The following RCBTB1 variants were observed in gnomAD, a reference collection of about 807,000 sequenced individuals.
RCBTB1 encodes the protein RCC1 and BTB domain-containing protein 1.
RCBTB1 carries 46 observed loss-of-function variants against 62.4 expected under a neutral mutation model. The observed-to-expected ratio is 0.74, with a 90% confidence interval of 0.58 to 0.94. RCBTB1 has a LOEUF of 0.94. Ranked by LOEUF, RCBTB1 falls within the 40% of genes least tolerant of loss-of-function variation. RCBTB1 has a pLI of 0.00. For missense variants in RCBTB1, 565 were observed against 654.9 expected (o/e 0.86, Z 1.50); for synonymous variants, 222 against 245.8 (o/e 0.90, Z 0.91).
chr13:49,535,980 G>A (rs927823899), intron 12 of RCBTB1, among the ~76,000 whole-genome samples: 2 of 149,628 alleles, frequency 1.3e-5, no homozygotes, highest in East Asian at 2.0e-4. Context: ...CCGAGATCAT[G>A]CCACTGCACT....
chr13:49,552,191 A>G lies in RCBTB1; in HGVS notation c.698T>C (p.Val233Ala). 2 of 1,580,904 alleles carry G rather than the reference A, an allele frequency of 1.3e-6. No homozygotes were observed. Among genetic ancestry groups the G allele is most frequent in the Non-Finnish European group, 1.7e-6 (2 of 1,161,906 alleles). ...TPVRVAALHS[V>A]CVNQIVCGYA... ...CACCACACGTACCTGGTTCACACAC[A>G]CGCTGTGCAAAGCTGCCACTCTCAC... The change falls in exon 7 of 13, where the codon GTG (valine) becomes GCG (alanine). Residue 233 changes from valine to alanine, a missense_variant. Physicochemically the swap from Val to Ala is moderately conservative, Grantham distance 64 (BLOSUM62 0). Coordinates refer to ENST00000378302, the MANE Select transcript of RCBTB1 (RefSeq NM_018191.4).
chr13:49,576,266 T>C (rs1594352724), intron 2 of RCBTB1, among the ~76,000 whole-genome samples: 2 of 146,522 alleles, frequency 1.4e-5, no homozygotes, highest in Non-Finnish European at 3.0e-5. Flanking sequence ...TGTACAACAA[T>C]GTGAATGTAC....
rs1250092312 is a variant in RCBTB1 at position 49,555,515 on chromosome 13, C to T, written c.603G>A (p.Glu201=). ...TSSMAVLDNG[E]VYGWGYNGNG... ...GGAAATGGGAGTGGAGACACCTCACCTCGCCATTGTCCAGAACAGCCATGG... is the reference window on the plus strand; with the variant it reads ...GGAAATGGGAGTGGAGACACCTCACTTCGCCATTGTCCAGAACAGCCATGG... Residue 201 remains glutamate, a splice_region_variant and synonymous_variant, in exon 6 of 13, where the codon GAG becomes GAA. Coordinates refer to ENST00000378302, the MANE Select transcript of RCBTB1 (RefSeq NM_018191.4). 1.4e-5 allele frequency: 22 copies of T among 1,613,002 alleles called. No homozygotes were observed. The highest frequency in any genetic ancestry group is 1.7e-5 in the Non-Finnish European group (20 of 1,179,140).
chr13:49,544,735 A>G lies in RCBTB1; in HGVS notation c.1172+2T>C. On this transcript the variant is annotated splice_donor_variant, in intron 10 of 12. Transcript: ENST00000378302. LOFTEE classifies it high-confidence loss of function. The stretch of plus-strand genomic sequence containing the variant: ...GATGTCTCTGAGCTCATGCAAAAAT[A>G]CCTGATTTTCAAAACAGCTTTATGG... The G allele has an allele frequency of 1.2e-6, 2 of 1,609,526 alleles. No individual in the cohort carries two copies. Among genetic ancestry groups the G allele is most frequent in the Non-Finnish European group, 1.7e-6 (2 of 1,178,198 alleles).
intron 2 of RCBTB1, 22 bp from the exon 3 acceptor site, chr13:49,567,342 CAGA>C: frequency 5.1e-6 from 8 of 1,558,762 alleles, no homozygotes; most frequent in Non-Finnish European, 7.0e-6. Context: ...GAAAGGATTC[CAGA>C]AAAAAATTAA....
At chr13:49,568,834 CAGG>C (rs1292717682) in intron 2 of RCBTB1, among the ~76,000 whole-genome samples, 1 of 152,146 alleles carries the variant, frequency 6.6e-6, no homozygotes, top group Non-Finnish European at 1.5e-5. Flanking sequence ...GAGGCTGAGG[CAGG>C]AGAATCACTT....
Position 49,549,564 on chromosome 13 carries a change from G to C in RCBTB1, c.939C>G (p.Cys313Trp). ...QGGHVYMWGQCRGQSVILPHL... is the reference protein window; with the variant it reads ...QGGHVYMWGQWRGQSVILPHL... ...GCGGGAGGATCACGGACTGACCCCG[G>C]CACTGGCCCCACATGTACACGTGCC... The change falls in exon 9 of 13, where the codon TGC (cysteine) becomes TGG (tryptophan). Residue 313 changes from cysteine to tryptophan, a missense_variant. Physicochemically the swap from Cys to Trp is radical, Grantham distance 215. Transcript: ENST00000378302. 6.2e-7 allele frequency: 1 copy of C among 1,614,160 alleles called. No homozygotes were observed. The highest frequency in any genetic ancestry group is 8.5e-7 in the Non-Finnish European group (1 of 1,180,024).
intron 11 of RCBTB1, among the ~76,000 whole-genome samples, 155 bp downstream of exon 11, chr13:49,541,521 T>G (rs755599146): frequency 4.7e-4 from 72 of 152,022 alleles, no homozygotes; most frequent in Non-Finnish European, 8.5e-4. Context: ...CCATAATAAC[T>G]ACACAATACT....
At chr13:49,546,849 A>G (rs1536192) in intron 9 of RCBTB1, 525,246 of 620,738 alleles carry the variant, frequency 0.85, 222,511 homozygotes, top group East Asian at 0.9. Context: ...CCTGCCGTGC[A>G]ACCCAGTTAA....
At chr13:49,562,514 CAAA>C (rs55875979) in intron 4 of RCBTB1, among the ~76,000 whole-genome samples, 13,390 of 115,292 alleles carry the variant, frequency 0.12, 1,489 homozygotes, top group African/African-American at 0.31. Context: ...GACCCTGTCT[CAAA>C]AAAAAAAAAA....
chr13:49,550,412 A>T, intron 8 of RCBTB1: 1 of 983,688 alleles, frequency 1.0e-6, no homozygotes, highest in African/African-American at 1.7e-5. Flanking sequence ...CAAACTTACT[A>T]TATTTCTCAG....
intron 9 of RCBTB1, chr13:49,547,219 A>C: frequency 8.2e-7 from 1 of 1,220,074 alleles, no homozygotes; most frequent in Non-Finnish European, 1.1e-6. Flanking sequence ...ACATGGCAAA[A>C]ATAAAGTGAA....
chr13:49,567,089 GGACACTTT>G (rs1963071217), intron 3 of RCBTB1, 57 bp downstream of exon 3: 1 of 1,494,188 alleles, frequency 6.7e-7, no homozygotes, highest in Non-Finnish European at 9.3e-7. Context: ...TCTTTGAACT[GGACACTTT>G]GAAGACCAAT....
intron 2 of RCBTB1, among the ~76,000 whole-genome samples, chr13:49,570,530 G>T (rs2137340202): frequency 6.6e-6 from 1 of 152,324 alleles, no homozygotes; most frequent in South Asian, 2.1e-4. Flanking sequence ...TTTAAAATCA[G>T]TCAGTATGAC....
At chr13:49,548,344 G>A (rs1017667608) in intron 9 of RCBTB1, among the ~76,000 whole-genome samples, 97 of 149,894 alleles carry the variant, frequency 6.5e-4, no homozygotes, top group Admixed American at 1.0e-3. Flanking sequence ...AGCCGAGATC[G>A]CGCCATTGCA....
In RCBTB1 at chr13:49,585,506, G is replaced by C. The variant is rs1009369004; in HGVS notation, c.-184C>G. The C allele has an allele frequency of 1.3e-5, 2 of 152,170 alleles. No homozygotes were observed. Among genetic ancestry groups the C allele is most frequent in the African/African-American group, 2.4e-5 (1 of 41,454 alleles). 9.4% of individuals were successfully genotyped at this position (152,170 alleles called of 1,614,324 possible). A position where few individuals can be genotyped will look rare whatever the true frequency, so the allele number is the denominator to read the frequency against. ...CGCAGGGATCTCCGAAGCTCCAATG[G>C]GCGCAGAAGTGCGAGCGAGCGGCGG... On this transcript the variant is annotated 5_prime_UTR_variant, in exon 1 of 13. Coordinates refer to ENST00000378302, the MANE Select transcript of RCBTB1 (RefSeq NM_018191.4).
intron 11 of RCBTB1, among the ~76,000 whole-genome samples, 198 bp downstream of exon 11, chr13:49,541,478 C>T (rs1334324904): frequency 1.3e-5 from 2 of 151,956 alleles, no homozygotes; most frequent in East Asian, 3.9e-4. Context: ...AACAAAAAAG[C>T]CTATGGTCAT....
Position 49,544,880 on chromosome 13 carries a change from T to C in RCBTB1, c.1046-17A>G. ...CTTCATGCTCTGAAGGCAACAAACA[T>C]ATATTAATATGGCAAGTTCAAGGAA... is the stretch of plus-strand genomic sequence containing the variant. On this transcript the variant is annotated splice_polypyrimidine_tract_variant and intron_variant, in intron 9 of 12. Coordinates refer to ENST00000378302, the MANE Select transcript of RCBTB1 (RefSeq NM_018191.4). 1 of 1,599,330 alleles carries C rather than the reference T, an allele frequency of 6.3e-7. No homozygotes were observed. Among genetic ancestry groups the C allele is most frequent in the Non-Finnish European group, 8.5e-7 (1 of 1,173,836 alleles).
chr13:49,584,524 C>T (rs976398198), intron 1 of RCBTB1, among the ~76,000 whole-genome samples: 1 of 152,176 alleles, frequency 6.6e-6, no homozygotes, highest in African/African-American at 2.4e-5. Flanking sequence ...TTTAAAGCAC[C>T]TATAAACTGC....
Sources: allele counts gnomAD v4.1 joint callset (sites outside exome capture counted in the v4.1 genomes callset), GRCh38; gene constraint gnomAD v4.1.1; transcripts MANE v1.5; gene names NCBI Gene and HGNC (gene_info 2026-07-23, HGNC 2026-07-21).